CCDC7: variants seen among roughly 807,000 people sequenced by gnomAD.
The protein encoded by CCDC7 is coiled-coil domain-containing protein 7.
Under a neutral mutation model 196.9 loss-of-function variants are expected in CCDC7, and 183 were observed. The ratio of observed to expected loss-of-function variants is 0.93; its 90% CI spans 0.82 to 1.05. The LOEUF is 1.05. Ranked by LOEUF, CCDC7 falls within the 50% of genes least tolerant of loss-of-function variation. CCDC7 has a pLI of 0.00. For missense variants in CCDC7, 1,540 were observed against 1,482.2 expected (o/e 1.04, Z -0.64); for synonymous variants, 525 against 484.6 (o/e 1.08, Z -1.10).
At chr10:32,715,073 G>A (rs1350949494) in intron 25 of CCDC7, among the ~76,000 whole-genome samples, 3 of 152,188 alleles carry the variant, frequency 2.0e-5, no homozygotes, top group Admixed American at 2.0e-4. Flanking sequence ...CTCCTCAAGT[G>A]GGTCCCTGAC....
chr10:32,545,619 G>A (rs2052300002), intron 13 of CCDC7, among the ~76,000 whole-genome samples: 1 of 152,130 alleles, frequency 6.6e-6, no homozygotes, highest in African/African-American at 2.4e-5. Context: ...AATTTCGTAT[G>A]TCTGGGCAGG....
At chr10:32,556,410 C>G (rs956481300) in intron 13 of CCDC7, among the ~76,000 whole-genome samples, 6 of 152,248 alleles carry the variant, frequency 3.9e-5, no homozygotes, top group Admixed American at 3.9e-4. Context: ...CTCCTTACTT[C>G]TTGCTCTTGT....
At chr10:32,484,237 C>T (rs1005885612) in intron 8 of CCDC7, among the ~76,000 whole-genome samples, 11 of 152,094 alleles carry the variant, frequency 7.2e-5, no homozygotes, top group African/African-American at 2.6e-4. Context: ...TATTGCTAGG[C>T]ATTTTATTCT....
At chr10:32,798,868 A>G (rs1231051768) in intron 29 of CCDC7, among the ~76,000 whole-genome samples, 1 of 152,088 alleles carries the variant, frequency 6.6e-6, no homozygotes, top group Non-Finnish European at 1.5e-5. Context: ...ATCATCTGTG[A>G]ACCAGACCCT....
chr10:32,692,170 C>A (rs1323359920), intron 23 of CCDC7, among the ~76,000 whole-genome samples: 2 of 152,174 alleles, frequency 1.3e-5, no homozygotes, highest in Non-Finnish European at 2.9e-5. Flanking sequence ...GGCTGTCCAC[C>A]ATTTTTAGGG....
At chr10:32,545,498 A>G (rs553257284) in intron 13 of CCDC7, among the ~76,000 whole-genome samples, 2 of 152,262 alleles carry the variant, frequency 1.3e-5, no homozygotes, top group South Asian at 2.1e-4. Flanking sequence ...AATTCTGGCA[A>G]TTTTCCTTCC....
intron 21 of CCDC7, among the ~76,000 whole-genome samples, chr10:32,685,561 T>C (rs535296376): frequency 2.0e-5 from 3 of 152,342 alleles, no homozygotes; most frequent in South Asian, 2.1e-4. Flanking sequence ...TAGAACTTTA[T>C]GGTATATACA....
At chr10:32,720,665 C>T (rs1592030198) in intron 25 of CCDC7, among the ~76,000 whole-genome samples, 1 of 152,134 alleles carries the variant, frequency 6.6e-6, no homozygotes, top group East Asian at 1.9e-4. Context: ...AGAACTCTCT[C>T]AGAGCTGTTT....
intron 32 of CCDC7, among the ~76,000 whole-genome samples, chr10:32,828,479 GGAAGAGGAAGAA>G (rs1450316883): frequency 0.02 from 1,201 of 61,232 alleles, 5 homozygotes; most frequent in Non-Finnish European, 0.027. Flanking sequence ...AAGAGGAAGA[GGAAGAGGAAGAA>G]GAAGAAGAAG....
intron 18 of CCDC7, among the ~76,000 whole-genome samples, chr10:32,594,362 G>C (rs935259769): frequency 1.3e-5 from 2 of 152,096 alleles, no homozygotes; most frequent in Non-Finnish European, 1.5e-5. Flanking sequence ...TCTGTTATTG[G>C]TGTATAAGAA....
At chr10:32,819,948 G>A (rs1041514403) in intron 31 of CCDC7, among the ~76,000 whole-genome samples, 9 of 152,158 alleles carry the variant, frequency 5.9e-5, no homozygotes, top group Admixed American at 1.3e-4. Flanking sequence ...TCAACATAGT[G>A]TTGGAAGTTC....
At chr10:32,614,676 A>G (rs947118258) in intron 18 of CCDC7, among the ~76,000 whole-genome samples, 8 of 152,084 alleles carry the variant, frequency 5.3e-5, no homozygotes, top group African/African-American at 1.9e-4. Flanking sequence ...CTCCATCAAA[A>G]CCTGTGGATT....
chr10:32,852,124 C>T (rs2093586942), intron 40 of CCDC7, among the ~76,000 whole-genome samples, 192 bp downstream of exon 41: 1 of 152,166 alleles, frequency 6.6e-6, no homozygotes, highest in Admixed American at 6.5e-5. Context: ...CATTTCTCTT[C>T]CTCTTCTCCA....
At position 32,482,693 on chromosome 10, in the gene CCDC7, C is replaced by T. The variant is rs1221109042; in HGVS notation, c.796+8670C>T. Among the ~76,000 whole-genome samples, 3 of 152,174 alleles carry T rather than the reference C, an allele frequency of 2.0e-5. No homozygotes were observed. The East Asian group carries it at 5.8e-4, about 29-fold the overall frequency. Reference sequence around the variant, plus strand: ...GCCCCGGTGTGTGATGTTCCCTTTCCTGTGTCCATGTGTTCTCATTGTTCA... The same window carrying T: ...GCCCCGGTGTGTGATGTTCCCTTTCTTGTGTCCATGTGTTCTCATTGTTCA... On this transcript the variant is annotated intron_variant, in intron 8 of 41. Coordinates refer to ENST00000639629, the Ensembl canonical transcript of CCDC7.
At chr10:32,840,823 T>G (rs1448041104) in intron 33 of CCDC7, among the ~76,000 whole-genome samples, 1 of 152,022 alleles carries the variant, frequency 6.6e-6, no homozygotes, top group East Asian at 1.9e-4. Context: ...GTGGGTTTCA[T>G]AACAGGTATG....
rs2051829078 is a variant in CCDC7, at chr10:32,543,296, A to G, written c.994-4A>G. ...TTATTTCTGGCTTATGTAAAATTAT[A>G]CAGAAAACTAAGCCTACAAATAATC... On this transcript the variant is annotated splice_polypyrimidine_tract_variant and splice_region_variant and intron_variant, in intron 11 of 41. Coordinates refer to ENST00000639629, the Ensembl canonical transcript of CCDC7. 1 of 1,413,928 alleles carries G rather than the reference A, an allele frequency of 7.1e-7. No individual in the cohort carries two copies. The highest frequency in any genetic ancestry group is 9.4e-7 in the Non-Finnish European group (1 of 1,066,192). 87.6% of individuals were successfully genotyped at this position (1,413,928 alleles called of 1,614,324 possible).
intron 41 of CCDC7, among the ~76,000 whole-genome samples, chr10:32,874,551 G>C (rs774877658): frequency 2.6e-5 from 4 of 151,334 alleles, no homozygotes; most frequent in African/African-American, 9.7e-5. Context: ...TTTCCGATTC[G>C]AATTACTTCA....
chr10:32,871,421 G>A (rs1242182484), intron 41 of CCDC7, among the ~76,000 whole-genome samples: 1 of 152,032 alleles, frequency 6.6e-6, no homozygotes, highest in African/African-American at 2.4e-5. Flanking sequence ...ATGGTAGTTT[G>A]TATTTCTGTG....
At chr10:32,701,827 G>A (rs971735060) in intron 24 of CCDC7, among the ~76,000 whole-genome samples, 3 of 152,118 alleles carry the variant, frequency 2.0e-5, no homozygotes, top group Non-Finnish European at 4.4e-5. Flanking sequence ...AGTATTCTCT[G>A]ATGGTAGTTT....
Sources: gnomAD v4.1 joint callset for allele counts (sites outside exome capture counted in the v4.1 genomes callset) on GRCh38, gnomAD v4.1.1 for gene constraint, MANE v1.5 for transcripts, NCBI Gene and HGNC (gene_info 2026-07-23, HGNC 2026-07-21) for gene names.